Variants in MNAT1 observed in about 807,000 individuals in gnomAD.
MNAT1 encodes CDK-activating kinase assembly factor MAT1.
Under a neutral mutation model 42.0 loss-of-function variants are expected in MNAT1, and 43 were observed. The ratio of observed to expected loss-of-function variants is 1.02; its 90% CI spans 0.80 to 1.32. The LOEUF (loss-of-function observed/expected upper bound fraction) is 1.32. Ranked by LOEUF, MNAT1 falls within the 40% of genes most tolerant of loss-of-function variation. MNAT1 has a pLI of 0.00. For missense variants in MNAT1, 306 were observed against 350.4 expected (o/e 0.87, Z 1.01); for synonymous variants, 118 against 120.0 (o/e 0.98, Z 0.11).
chr14:60,779,984 C>T (rs923578575), intron 1 of MNAT1: 18 of 1,562,298 alleles, frequency 1.2e-5, no homozygotes, highest in Non-Finnish European at 1.6e-5. Context: ...GGCCATGGCG[C>T]TGCAGCTCTC....
At chr14:60,912,510 A>G (rs1163002044) in intron 7 of MNAT1, among the ~76,000 whole-genome samples, 1 of 152,178 alleles carries the variant, frequency 6.6e-6, no homozygotes, top group African/African-American at 2.4e-5. Context: ...TTTGTAGGGC[A>G]GGCCTGGTGG....
At chr14:60,871,758 GA>G (rs1451426663) in intron 6 of MNAT1, among the ~76,000 whole-genome samples, 1 of 152,000 alleles carries the variant, frequency 6.6e-6, no homozygotes, top group Non-Finnish European at 1.5e-5. Context: ...GAGTAGCTGG[GA>G]TTACAGGCGC....
rs4151311 is a variant in MNAT1, at chr14:60,892,814, A to C, written c.809+12979A>C. 7.9e-3 allele frequency among the ~76,000 whole-genome samples: 1,199 copies of C among 152,240 alleles called. 17 individuals carry two copies. The highest frequency in any genetic ancestry group is 0.028 in the African/African-American group (1,145 of 41,578). On this transcript the variant is annotated intron_variant, in intron 7 of 7. Coordinates refer to ENST00000261245, the MANE Select transcript of MNAT1 (RefSeq NM_002431.4). The stretch of plus-strand genomic sequence containing the variant: ...TATTATCCTAAGTTGTAGCACTCTG[A>C]ATTTATACAAGCTTAACTTCAGTAA...
intron 7 of MNAT1, among the ~76,000 whole-genome samples, chr14:60,932,643 C>T (rs2035914341): frequency 6.6e-6 from 1 of 151,820 alleles, no homozygotes; most frequent in African/African-American, 2.4e-5. Flanking sequence ...ATATCTCATA[C>T]TGAATGCCAG....
intron 1 of MNAT1, among the ~76,000 whole-genome samples, chr14:60,767,810 GC>G (rs564290929): frequency 5.5e-4 from 84 of 151,906 alleles, no homozygotes; most frequent in East Asian, 5.0e-3. Flanking sequence ...CTGTCGCCAG[GC>G]TGGAGAGTAG....
chr14:60,902,663 G>C (rs922384364), intron 7 of MNAT1, among the ~76,000 whole-genome samples: 4 of 152,062 alleles, frequency 2.6e-5, no homozygotes, highest in African/African-American at 9.7e-5. Context: ...TTTTGGGATT[G>C]TACCTGGAAT....
intron 1 of MNAT1, among the ~76,000 whole-genome samples, chr14:60,771,643 A>G (rs2031061358): frequency 6.6e-6 from 1 of 152,168 alleles, no homozygotes; most frequent in African/African-American, 2.4e-5. Flanking sequence ...TGATCTTATT[A>G]CAATCCTTGC....
At chr14:60,799,501 A>G (rs2032132328) in intron 3 of MNAT1, 3 of 708,466 alleles carry the variant, frequency 4.2e-6, no homozygotes, top group African/African-American at 3.9e-5. Flanking sequence ...TGATTAGTCA[A>G]AAGTCTGGTC....
chr14:60,898,914 AC>A (rs764204175), intron 7 of MNAT1, among the ~76,000 whole-genome samples: 6 of 152,066 alleles, frequency 3.9e-5, no homozygotes, highest in Non-Finnish European at 8.8e-5. Context: ...TCTTTAATTC[AC>A]CTTGAGTTGA....
intron 6 of MNAT1, among the ~76,000 whole-genome samples, chr14:60,834,783 G>A (rs966864633): frequency 6.6e-5 from 10 of 151,988 alleles, no homozygotes; most frequent in African/African-American, 2.4e-4. Context: ...TATTGGGAGG[G>A]AGTTTGTGTG....
intron 6 of MNAT1, among the ~76,000 whole-genome samples, chr14:60,875,712 G>C (rs1054156274): frequency 1.3e-5 from 2 of 152,062 alleles, no homozygotes; most frequent in Admixed American, 6.6e-5. Context: ...CTTCAGAGAA[G>C]ACTTTGAATT....
intron 7 of MNAT1, among the ~76,000 whole-genome samples, chr14:60,927,889 G>A (rs1202660427): frequency 6.6e-6 from 1 of 152,146 alleles, no homozygotes; most frequent in Non-Finnish European, 1.5e-5. Context: ...TCAAGAGAGA[G>A]ACCCTAGAAG....
At chr14:60,889,401 T>G (rs1299887701) in intron 7 of MNAT1, among the ~76,000 whole-genome samples, 1 of 152,024 alleles carries the variant, frequency 6.6e-6, no homozygotes, top group Non-Finnish European at 1.5e-5. Flanking sequence ...TAGCCATATG[T>G]AGAAAGCTGA....
chr14:60,741,584 C>T (rs553698803), intron 1 of MNAT1, among the ~76,000 whole-genome samples: 171 of 150,620 alleles, frequency 1.1e-3, no homozygotes, highest in Non-Finnish European at 1.8e-3. Context: ...TGGTCTCGAT[C>T]TCCTGACCTC....
At chr14:60,891,473 A>T (rs1162960921) in intron 7 of MNAT1, among the ~76,000 whole-genome samples, 1 of 151,234 alleles carries the variant, frequency 6.6e-6, no homozygotes, top group Non-Finnish European at 1.5e-5. Flanking sequence ...TTTTGAGACA[A>T]AGTCTTGCTG....
chr14:60,944,421 G>A (rs550688278), intron 7 of MNAT1, among the ~76,000 whole-genome samples: 25 of 152,248 alleles, frequency 1.6e-4, no homozygotes, highest in African/African-American at 4.3e-4. Flanking sequence ...TCTCTGCCAC[G>A]TGAGGACACA....
At chr14:60,885,821 T>C (rs149232613) in intron 7 of MNAT1, among the ~76,000 whole-genome samples, 27 of 152,178 alleles carry the variant, frequency 1.8e-4, no homozygotes, top group African/African-American at 5.5e-4. Flanking sequence ...TGGTGTCTTA[T>C]CCAGAAAACC....
At chr14:60,931,478 G>C (rs765598656) in intron 7 of MNAT1, among the ~76,000 whole-genome samples, 31 of 152,146 alleles carry the variant, frequency 2.0e-4, no homozygotes, top group Admixed American at 1.2e-3. Context: ...GCTTCCTTCT[G>C]ATTCACCACT....
Position 60,812,077 on chromosome 14 carries a change from C to T in MNAT1, c.511C>T (p.Leu171=). The part of the protein sequence containing the change: ...RRLFIQKEEQ[L]QQILKRKNKQ... ...ATTATTTATACAAAAAGAAGAACAA[C>T]TGCAGCAGATTCTAAAAAGGAAGAA... Residue 171 remains leucine, a synonymous_variant, in exon 5 of 8, where the codon CTG becomes TTG. Transcript: ENST00000261245. 2 of 1,597,924 alleles carry T rather than the reference C, an allele frequency of 1.3e-6. No homozygotes were observed. Among genetic ancestry groups the T allele is most frequent in the Non-Finnish European group, 8.5e-7 (1 of 1,173,332 alleles).
Sources: allele counts gnomAD v4.1 joint callset (sites outside exome capture counted in the v4.1 genomes callset), GRCh38; gene constraint gnomAD v4.1.1; transcripts MANE v1.5; gene names NCBI Gene and HGNC (gene_info 2026-07-23, HGNC 2026-07-21).